The following ADGRB3 variants were observed in gnomAD, a reference collection of about 807,000 sequenced individuals.
ADGRB3 encodes the protein brain-specific angiogenesis inhibitor 3.
A neutral mutation model predicts 193.4 loss-of-function variants in ADGRB3; 37 were observed. The ratio of observed to expected loss-of-function variants is 0.19; its 90% CI spans 0.15 to 0.25. The LOEUF (loss-of-function observed/expected upper bound fraction) is 0.25. ADGRB3 is among the 10% of genes least tolerant of loss of function. The probability of loss-of-function intolerance (pLI) is 1.00; values close to 1 mark genes in which losing one functional copy is unlikely to be tolerated. For missense variants in ADGRB3, 1,637 were observed against 1,852.9 expected, an observed-to-expected ratio of 0.88 and a Z score of 2.14; for synonymous variants, 690 against 644.2, an observed-to-expected ratio of 1.07 and a Z score of -1.08.
intron 24 of ADGRB3, among the ~76,000 whole-genome samples, chr6:69,334,102 A>T (rs901143299): frequency 6.6e-6 from 1 of 151,908 alleles, no homozygotes; most frequent in East Asian, 1.9e-4. Context: ...TTATCATATA[A>T]ATTTGTTGAC....
intron 17 of ADGRB3, among the ~76,000 whole-genome samples, chr6:69,140,532 G>A (rs1774304172): frequency 6.6e-6 from 1 of 151,958 alleles, no homozygotes. Flanking sequence ...GAAGTGGGGT[G>A]GTTAATGGGT....
chr6:68,994,274 T>C (rs1277728932), intron 11 of ADGRB3, among the ~76,000 whole-genome samples: 1 of 152,182 alleles, frequency 6.6e-6, no homozygotes, highest in East Asian at 1.9e-4. Flanking sequence ...TATTCCCACA[T>C]TTAATATACC....
intron 16 of ADGRB3, among the ~76,000 whole-genome samples, chr6:69,063,303 C>T (rs1211898364): frequency 6.6e-6 from 1 of 151,790 alleles, no homozygotes; most frequent in Non-Finnish European, 1.5e-5. Flanking sequence ...ATAAAATTCT[C>T]TTCAATTTAT....
chr6:69,124,385 A>T (rs560430593), intron 17 of ADGRB3, among the ~76,000 whole-genome samples: 1 of 152,224 alleles, frequency 6.6e-6, no homozygotes, highest in South Asian at 2.1e-4. Context: ...CTACATATTT[A>T]TCTTTTTCTG....
chr6:68,748,500 G>C (rs1766128840), intron 3 of ADGRB3, among the ~76,000 whole-genome samples: 1 of 152,204 alleles, frequency 6.6e-6, no homozygotes, highest in South Asian at 2.1e-4. Flanking sequence ...AATCTCCATT[G>C]AGTCCAGGTC....
Position 69,294,903 on chromosome 6 carries a change from C to T in ADGRB3, c.2815-29969C>T, listed in dbSNP as rs367990007. Among the ~76,000 whole-genome samples, 3 of 152,052 alleles carry T rather than the reference C, an allele frequency of 2.0e-5. No homozygotes were observed. In the East Asian group the frequency reaches 5.8e-4, roughly 29 times the overall value. ...TGATTTCAGTGATAAAACTTATATT[C>T]CATATTTTCATATTCTATATCACCT... On this transcript the variant is annotated intron_variant, in intron 20 of 31. Transcript: ENST00000370598.
In ADGRB3 at chr6:69,316,587, A is replaced by G. The variant is rs1381144055; in HGVS notation, c.2815-8285A>G. On this transcript the variant is annotated intron_variant, in intron 20 of 31. Transcript: ENST00000370598. The stretch of plus-strand genomic sequence containing the variant: ...ATCTAGGAAAGCCTTTCACAACTGT[A>G]TAATAAAACTCCCATAATTTGTAAG... 3.3e-5 allele frequency among the ~76,000 whole-genome samples: 5 copies of G among 151,568 alleles called. No homozygotes were observed. In the East Asian group the frequency reaches 5.8e-4, roughly 18 times the overall value.
intron 3 of ADGRB3, among the ~76,000 whole-genome samples, chr6:68,716,156 A>C (rs1466831836): frequency 6.6e-6 from 1 of 151,804 alleles, no homozygotes; most frequent in Non-Finnish European, 1.5e-5. Flanking sequence ...TCTAATTTAA[A>C]TAAAATCTGT....
At chr6:69,272,142 G>A (rs73469339) in intron 20 of ADGRB3, among the ~76,000 whole-genome samples, 3,062 of 152,254 alleles carry the variant, frequency 0.02, 89 homozygotes, top group African/African-American at 0.066. Context: ...CTGGACAATT[G>A]ATAGGCATAT....
intron 21 of ADGRB3, among the ~76,000 whole-genome samples, chr6:69,326,373 A>AG (rs1768569128): frequency 6.6e-6 from 1 of 152,214 alleles, no homozygotes; most frequent in Non-Finnish European, 1.5e-5. Flanking sequence ...ATGAATTAGT[A>AG]CCATTCTAAG....
At chr6:68,980,657 A>G (rs767877205) in intron 10 of ADGRB3, among the ~76,000 whole-genome samples, 4 of 151,692 alleles carry the variant, frequency 2.6e-5, no homozygotes, top group Admixed American at 6.6e-5. Context: ...TGTTTCTTCA[A>G]TGAGCAATTA....
intron 3 of ADGRB3, among the ~76,000 whole-genome samples, chr6:68,790,993 C>T (rs561640134): frequency 6.7e-5 from 10 of 150,132 alleles, no homozygotes; most frequent in Middle Eastern, 3.4e-3. Context: ...AGGAGAGGAT[C>T]GCTTGAGGCC....
chr6:68,859,129 G>T (rs548560589), intron 3 of ADGRB3, among the ~76,000 whole-genome samples: 22 of 152,222 alleles, frequency 1.4e-4, no homozygotes, highest in African/African-American at 4.8e-4. Context: ...CAAGTTCCAA[G>T]TTCCACAGAT....
chr6:68,892,755 C>CA (rs891621773), intron 3 of ADGRB3, among the ~76,000 whole-genome samples: 7 of 151,442 alleles, frequency 4.6e-5, no homozygotes, highest in Non-Finnish European at 7.4e-5. Flanking sequence ...TATATTTCGG[C>CA]AAAAAAACAC....
chr6:68,889,020 ATACT>A (rs951801315), intron 3 of ADGRB3, among the ~76,000 whole-genome samples: 2 of 152,224 alleles, frequency 1.3e-5, no homozygotes, highest in Non-Finnish European at 2.9e-5. Flanking sequence ...GCTTTCAGAC[ATACT>A]TGTGTTTTGT....
At chr6:68,848,420 C>T (rs1768328574) in intron 3 of ADGRB3, among the ~76,000 whole-genome samples, 1 of 152,028 alleles carries the variant, frequency 6.6e-6, no homozygotes, top group Non-Finnish European at 1.5e-5. Context: ...CTAGGTAAAA[C>T]TCAAATTTTG....
At chr6:68,716,037 G>C (rs1460027135) in intron 3 of ADGRB3, among the ~76,000 whole-genome samples, 1 of 151,542 alleles carries the variant, frequency 6.6e-6, no homozygotes, top group East Asian at 1.9e-4. Context: ...ATCAAGACTG[G>C]CATTATATAG....
chr6:68,994,029 C>A, intron 11 of ADGRB3, 67 bp downstream of exon 11: 2 of 1,500,022 alleles, frequency 1.3e-6, no homozygotes, highest in South Asian at 1.2e-5. Context: ...TCCCACGAAG[C>A]CAGTGCAGCC....
At chr6:68,708,253 A>G (rs1765357619) in intron 3 of ADGRB3, among the ~76,000 whole-genome samples, 2 of 152,284 alleles carry the variant, frequency 1.3e-5, no homozygotes, top group South Asian at 4.2e-4. Context: ...ATAAAGAGAG[A>G]TATAACCCAA....
Sources: gnomAD v4.1 joint callset for allele counts (sites outside exome capture counted in the v4.1 genomes callset) on GRCh38, gnomAD v4.1.1 for gene constraint, MANE v1.5 for transcripts, NCBI Gene and HGNC (gene_info 2026-07-23, HGNC 2026-07-21) for gene names.